The following ADAMTSL3 variants were observed in gnomAD, a reference collection of about 807,000 sequenced individuals.
ADAMTSL3 encodes ADAMTS-like protein 3.
In ADAMTSL3, 128 loss-of-function variants were observed where a neutral mutation model predicts 201.7. That is an observed-to-expected ratio of 0.63 (90% CI 0.55 to 0.73). The LOEUF is 0.73. Among genes scored for constraint, ADAMTSL3 ranks in the 30% least tolerant of loss-of-function variants. The probability of loss-of-function intolerance (pLI) is 0.00; values close to 1 mark genes in which losing one functional copy is unlikely to be tolerated. For synonymous variants in ADAMTSL3, 738 were observed against 748.4 expected (o/e 0.99, Z 0.23); for missense variants, 1,990 against 2,119.6 (o/e 0.94, Z 1.20).
chr15:83,854,787 A>G (rs1280892815), intron 7 of ADAMTSL3, among the ~76,000 whole-genome samples: 2 of 152,118 alleles, frequency 1.3e-5, no homozygotes, highest in African/African-American at 2.4e-5. Context: ...GTATTCAGAG[A>G]TTTTTATTTA....
intron 4 of ADAMTSL3, among the ~76,000 whole-genome samples, chr15:83,801,637 A>AATATATATATATAAATATAAATATAT (rs1212487067): frequency 1.9e-5 from 1 of 53,344 alleles, no homozygotes; most frequent in Non-Finnish European, 3.4e-5. Context: ...TATATATATA[A>AATATATATATATAAATATAAATATAT]ATATATAAAT....
chr15:83,828,674 A>G (rs1313134559), intron 6 of ADAMTSL3, among the ~76,000 whole-genome samples: 1 of 152,126 alleles, frequency 6.6e-6, no homozygotes, highest in Non-Finnish European at 1.5e-5. Context: ...TGTCATAGAT[A>G]GCTCTTATTA....
chr15:84,026,130 T>C (rs903504470), intron 27 of ADAMTSL3, among the ~76,000 whole-genome samples: 2 of 152,192 alleles, frequency 1.3e-5, no homozygotes, highest in Non-Finnish European at 2.9e-5. Context: ...TGTCAGAGCA[T>C]GATGCAAAAC....
chr15:83,903,114 C>T (rs536646862), intron 15 of ADAMTSL3, among the ~76,000 whole-genome samples: 19 of 152,132 alleles, frequency 1.2e-4, no homozygotes, highest in African/African-American at 4.6e-4. Flanking sequence ...AAATGCTATC[C>T]TCAATACTTC....
intron 16 of ADAMTSL3, among the ~76,000 whole-genome samples, chr15:83,914,899 A>C (rs1044686705): frequency 1.3e-5 from 2 of 150,946 alleles, no homozygotes; most frequent in Non-Finnish European, 3.0e-5. Context: ...GGGTTTTTTT[A>C]TGTCTTGGAA....
At chr15:83,678,968 T>C (rs1437819582) in intron 2 of ADAMTSL3, among the ~76,000 whole-genome samples, 2 of 149,756 alleles carry the variant, frequency 1.3e-5, no homozygotes, top group African/African-American at 4.9e-5. Flanking sequence ...AGTGAAAGTA[T>C]CATATCCTTT....
chr15:83,867,530 A>T (rs2065002580), intron 8 of ADAMTSL3, among the ~76,000 whole-genome samples: 1 of 152,238 alleles, frequency 6.6e-6, no homozygotes. Flanking sequence ...CAGTTGGAAG[A>T]ATATTTTCCC....
At chr15:83,971,015 C>T (rs868716208) in intron 20 of ADAMTSL3, among the ~76,000 whole-genome samples, 12 of 152,082 alleles carry the variant, frequency 7.9e-5, no homozygotes, top group African/African-American at 1.7e-4. Context: ...AGAAGAGCTA[C>T]GTATTTTTAA....
At chr15:83,960,521 G>C (rs1449422406) in intron 19 of ADAMTSL3, among the ~76,000 whole-genome samples, 1 of 152,142 alleles carries the variant, frequency 6.6e-6, no homozygotes, top group Non-Finnish European at 1.5e-5. Context: ...AAAAAAAACT[G>C]AGGATGTCCC....
chr15:83,815,162 A>G (rs1165859267), intron 5 of ADAMTSL3, among the ~76,000 whole-genome samples: 1 of 151,994 alleles, frequency 6.6e-6, no homozygotes, highest in Non-Finnish European at 1.5e-5. Flanking sequence ...GCACTGACTG[A>G]CACTTCCTTT....
intron 23 of ADAMTSL3, among the ~76,000 whole-genome samples, chr15:83,993,273 A>G (rs1276995904): frequency 6.6e-6 from 1 of 152,230 alleles, no homozygotes; most frequent in Non-Finnish European, 1.5e-5. Context: ...TGAGTCATAT[A>G]TCTTTCTTCC....
At position 83,654,832 on chromosome 15, in the gene ADAMTSL3, C is replaced by T. The variant is rs2061054771; in HGVS notation, c.-34+556C>T. Among the ~76,000 whole-genome samples the T allele has an allele frequency of 6.6e-6, 1 of 152,146 alleles. No individual in the cohort carries two copies. Among genetic ancestry groups the T allele is most frequent in the Non-Finnish European group, 1.5e-5 (1 of 68,036 alleles). On this transcript the variant is annotated intron_variant, in intron 1 of 29. Coordinates refer to ENST00000286744, the MANE Select transcript of ADAMTSL3 (RefSeq NM_207517.3). This position sits in a 1 kb window ranked among gnomAD's most constrained non-coding sequence, Gnocchi z 5.3. ...AGTCCCAGGGCCCCGCACTGGCCGCCTCCCTTCAGCCAGGAGTCGCCGCCT... is the reference window on the plus strand; with the variant it reads ...AGTCCCAGGGCCCCGCACTGGCCGCTTCCCTTCAGCCAGGAGTCGCCGCCT...
chr15:83,662,453 G>A (rs1423662642), intron 2 of ADAMTSL3, among the ~76,000 whole-genome samples: 1 of 149,246 alleles, frequency 6.7e-6, no homozygotes, highest in African/African-American at 2.5e-5. Flanking sequence ...ATAGCATTGG[G>A]AGATATACCT....
At chr15:83,694,852 C>G (rs2061658419) in intron 2 of ADAMTSL3, among the ~76,000 whole-genome samples, 2 of 152,262 alleles carry the variant, frequency 1.3e-5, no homozygotes, top group South Asian at 4.1e-4. Context: ...TGTATAAAGC[C>G]CAGTGCTGAG....
intron 7 of ADAMTSL3, 57 bp from the exon 8 acceptor site, chr15:83,858,709 T>C: frequency 7.2e-7 from 1 of 1,390,458 alleles, no homozygotes. Context: ...GACTTGCTCA[T>C]TTTCATGGGC....
intron 13 of ADAMTSL3, among the ~76,000 whole-genome samples, chr15:83,896,907 A>G (rs1311760151): frequency 6.6e-6 from 1 of 152,212 alleles, no homozygotes; most frequent in Non-Finnish European, 1.5e-5. Context: ...CCTTCTTCAC[A>G]AGGCAGCGGG....
intron 4 of ADAMTSL3, among the ~76,000 whole-genome samples, chr15:83,791,345 C>T (rs1269760377): frequency 3.3e-5 from 5 of 152,136 alleles, no homozygotes; most frequent in Admixed American, 3.3e-4. Flanking sequence ...TGCTACAAAG[C>T]TGTAGTAAGC....
Position 83,917,811 on chromosome 15 carries a change from G to A in ADAMTSL3, c.1987+4433G>A, listed in dbSNP as rs966089372. ...GAGTTGTGGTTTATTTTGCTAAAAT[G>A]ATAGGAGTCATACCTACCTCATTAG... On this transcript the variant is annotated intron_variant, in intron 16 of 29. Transcript: ENST00000286744. Among the ~76,000 whole-genome samples the A allele has an allele frequency of 3.2e-4, 48 of 152,078 alleles. 1 individual carries two copies. Among genetic ancestry groups the A allele is most frequent in the Non-Finnish European group, 4.4e-5 (3 of 68,006 alleles).
At chr15:83,936,911 A>C (rs1186503169) in intron 17 of ADAMTSL3, among the ~76,000 whole-genome samples, 1 of 151,050 alleles carries the variant, frequency 6.6e-6, no homozygotes, top group East Asian at 1.9e-4. Flanking sequence ...ATATGAAAAC[A>C]TGCTCAACAT....
Sources: gnomAD v4.1 joint callset for allele counts (sites outside exome capture counted in the v4.1 genomes callset) on GRCh38, gnomAD v4.1.1 for gene constraint, Gnocchi (gnomAD v3.1) non-coding constraint, MANE v1.5 for transcripts, NCBI Gene and HGNC (gene_info 2026-07-23, HGNC 2026-07-21) for gene names.